Variants in DPYD observed in about 807,000 individuals in gnomAD.
DPYD encodes the protein dihydropyrimidine dehydrogenase [NADP(+)].
DPYD carries 109 observed loss-of-function variants against 116.2 expected under a neutral mutation model. The observed-to-expected ratio is 0.94, with a 90% CI of 0.80 to 1.10. The LOEUF is 1.10. Among genes scored for constraint, DPYD ranks in the 50% least tolerant of loss-of-function variants. The pLI is 0.00. For synonymous variants in DPYD, 440 were observed against 432.0 expected (o/e 1.02, Z -0.23); for missense variants, 1,302 against 1,254.5 (o/e 1.04, Z -0.57).
chr1:97,195,519 G>GGAGA lies in DPYD; in HGVS notation c.2443-2275_2443-2272dup, dbSNP rs3050245. 2.3e-3 allele frequency among the ~76,000 whole-genome samples: 170 copies of GGAGA among 75,048 alleles called. 1 individual carries two copies. Among genetic ancestry groups the GGAGA allele is most frequent in the African/African-American group, 5.1e-3 (98 of 19,258 alleles). 49.2% of individuals were successfully genotyped at this position (75,048 alleles called of 152,430 possible). A position where few individuals can be genotyped will look rare whatever the true frequency, so the allele number is the denominator to read the frequency against. ...GGTTCCAGAATGGGGAATGGGATAA[G>GGAGA]GAGAGAGAGAGAGAGAGAGAGAGAG... is the stretch of plus-strand genomic sequence containing the variant. On this transcript the variant is annotated intron_variant, in intron 19 of 22. Transcript: ENST00000370192.
At chr1:97,416,961 G>A (rs751824287) in intron 14 of DPYD, among the ~76,000 whole-genome samples, 27 of 152,218 alleles carry the variant, frequency 1.8e-4, no homozygotes, top group Non-Finnish European at 3.5e-4. Context: ...GGAAAGATCT[G>A]GAGCCAGATA....
chr1:97,199,777 A>G (rs1659078946), intron 19 of DPYD, among the ~76,000 whole-genome samples: 2 of 152,168 alleles, frequency 1.3e-5, no homozygotes, highest in Admixed American at 1.3e-4. Context: ...AAGGAGGATG[A>G]TAACATCTTA....
intron 18 of DPYD, among the ~76,000 whole-genome samples, chr1:97,248,660 C>T (rs530989242): frequency 4.1e-4 from 63 of 152,072 alleles, no homozygotes; most frequent in African/African-American, 1.3e-3. Context: ...GAAATCCATC[C>T]GTGATGAGAA....
intron 8 of DPYD, among the ~76,000 whole-genome samples, chr1:97,667,273 C>T (rs982173110): frequency 6.6e-6 from 1 of 152,106 alleles, no homozygotes; most frequent in African/African-American, 2.4e-5. Context: ...GGTCTTCATG[C>T]TGAATTTGGC....
chr1:97,764,679 T>G (rs1346357256), intron 3 of DPYD, among the ~76,000 whole-genome samples: 4 of 152,126 alleles, frequency 2.6e-5, no homozygotes, highest in African/African-American at 9.6e-5. Flanking sequence ...ATCTTTTTCC[T>G]AAGAATAAAC....
At chr1:97,272,026 T>C (rs1486927204) in intron 18 of DPYD, among the ~76,000 whole-genome samples, 1 of 152,182 alleles carries the variant, frequency 6.6e-6, no homozygotes, top group Non-Finnish European at 1.5e-5. Flanking sequence ...ACAGACTTTG[T>C]CAAAGGCAAA....
intron 4 of DPYD, among the ~76,000 whole-genome samples, chr1:97,728,928 C>T (rs965909895): frequency 1.3e-5 from 2 of 151,816 alleles, no homozygotes; most frequent in African/African-American, 4.8e-5. Context: ...AAAATTCCTG[C>T]CCTCATCGTA....
chr1:97,805,274 A>G (rs1057081293), intron 3 of DPYD, among the ~76,000 whole-genome samples: 1 of 151,892 alleles, frequency 6.6e-6, no homozygotes, highest in African/African-American at 2.4e-5. Flanking sequence ...CAGACTTGAG[A>G]GACACTGATA....
chr1:97,289,296 CA>C (rs1471697778), intron 18 of DPYD, among the ~76,000 whole-genome samples: 1 of 152,030 alleles, frequency 6.6e-6, no homozygotes, highest in African/African-American at 2.4e-5. Context: ...GAAACTATTC[CA>C]ATCAATAGAA....
At chr1:97,649,660 T>C (rs1658470866) in intron 8 of DPYD, among the ~76,000 whole-genome samples, 1 of 152,124 alleles carries the variant, frequency 6.6e-6, no homozygotes, top group Non-Finnish European at 1.5e-5. Flanking sequence ...TGGAACTGTG[T>C]TATTGTCAGA....
chr1:97,735,232 TAAAAAAATAA>T lies in DPYD; in HGVS notation c.321+5150_321+5159del, dbSNP rs1663856145. Among the ~76,000 whole-genome samples the T allele has an allele frequency of 2.6e-5, 4 of 151,166 alleles. No homozygotes were observed. The South Asian group carries it at 8.3e-4, about 32-fold the overall frequency. ...TAAGGCATCAACACAAATGACAGAG[TAAAAAAATAA>T]TAATAAAAATTCAATGAACATACAA... On this transcript the variant is annotated intron_variant, in intron 4 of 22. Transcript: ENST00000370192.
At position 97,243,623 on chromosome 1, in the gene DPYD, G is replaced by A. The variant is rs962891325; in HGVS notation, c.2300-8629C>T. Among the ~76,000 whole-genome samples the A allele has an allele frequency of 1.1e-4, 16 of 151,604 alleles. No individual in the cohort carries two copies. In the South Asian group the frequency reaches 1.5e-3, roughly 14 times the overall value. ...GAAAGAAGAGTTAATAATAATAATT[G>A]TTATAATTAATAAAGATATATTATC... On this transcript the variant is annotated intron_variant, in intron 18 of 22. Coordinates refer to ENST00000370192, the MANE Select transcript of DPYD (RefSeq NM_000110.4).
At chr1:97,090,261 C>G (rs2101577196) in intron 21 of DPYD, among the ~76,000 whole-genome samples, 1 of 152,208 alleles carries the variant, frequency 6.6e-6, no homozygotes, top group Non-Finnish European at 1.5e-5. Context: ...TTTCTTATTT[C>G]TATGTTTCAT....
chr1:97,353,627 G>GT (rs35564684), intron 16 of DPYD, among the ~76,000 whole-genome samples: 9,800 of 133,230 alleles, frequency 0.074, 386 homozygotes, highest in Middle Eastern at 0.15. Context: ...ACTGCATTCT[G>GT]TTTTTTTTTT....
chr1:97,807,624 C>A (rs1668136401), intron 3 of DPYD, among the ~76,000 whole-genome samples: 1 of 152,016 alleles, frequency 6.6e-6, no homozygotes, highest in Non-Finnish European at 1.5e-5. Context: ...TTTTGCAGAG[C>A]AGAAGTATTT....
rs1669333741 is a variant in DPYD at position 97,828,149 on chromosome 1, A to G, written c.198T>C (p.Thr66=). ...ENNFDDIKHT[T]LGERGALREA... The stretch of plus-strand genomic sequence containing the variant: ...CTCGGAGAGCTCCTCGCTCACCAAG[A>G]GTCGTGTGCTTGATGTCATCAAAAT... The change falls in exon 3 of 23, where the codon ACT becomes ACC. Residue 66 remains threonine, a synonymous_variant. Transcript: ENST00000370192. 6.2e-7 allele frequency: 1 copy of G among 1,613,812 alleles called. No homozygotes were observed.
At chr1:97,192,846 T>C (rs1658470853) in intron 20 of DPYD, among the ~76,000 whole-genome samples, 1 of 152,192 alleles carries the variant, frequency 6.6e-6, no homozygotes, top group Non-Finnish European at 1.5e-5. Flanking sequence ...CATCGGTCTT[T>C]TCCTTTTATA....
chr1:97,874,272 T>C (rs1384574469), intron 2 of DPYD, among the ~76,000 whole-genome samples: 3 of 151,938 alleles, frequency 2.0e-5, no homozygotes, highest in African/African-American at 7.2e-5. Context: ...AAAGAATATA[T>C]GAGAAACTGA....
rs146761056 is a variant in DPYD, at chr1:97,435,609, TAAC to T, written c.1905+14447_1905+14449del. 8.5e-4 allele frequency among the ~76,000 whole-genome samples: 129 copies of T among 151,878 alleles called. 1 individual carries two copies. The East Asian group carries it at 0.024, about 29-fold the overall frequency. On this transcript the variant is annotated intron_variant, in intron 14 of 22. Transcript: ENST00000370192. Reference sequence around the variant, plus strand: ...ACTGAATCAATTATCTAATCAAAAATAACAATTAAAAAAGAAAAGCAGTCATTA... The same window carrying T: ...ACTGAATCAATTATCTAATCAAAAATAATTAAAAAAGAAAAGCAGTCATTA...
Sources: allele counts gnomAD v4.1 joint callset (sites outside exome capture counted in the v4.1 genomes callset), GRCh38; gene constraint gnomAD v4.1.1; transcripts MANE v1.5; gene names NCBI Gene and HGNC (gene_info 2026-07-23, HGNC 2026-07-21).